Variants in SOX6 observed in about 807,000 individuals in gnomAD.
The protein encoded by SOX6 is SRY-box transcription factor 6.
SOX6 carries 11 observed loss-of-function variants against 97.8 expected under a neutral mutation model. That is an observed-to-expected ratio of 0.11 (90% CI 0.07 to 0.19). The LOEUF (loss-of-function observed/expected upper bound fraction) is 0.19. SOX6 is among the 10% of genes least tolerant of loss of function. The pLI is 1.00. For missense variants in SOX6, 810 were observed against 1,039.5 expected (o/e 0.78, Z 3.04); for synonymous variants, 360 against 371.4 (o/e 0.97, Z 0.35).
intron 6 of SOX6, among the ~76,000 whole-genome samples, chr11:16,136,588 C>T (rs1849971938): frequency 6.6e-6 from 1 of 151,946 alleles, no homozygotes; most frequent in South Asian, 2.1e-4. Context: ...GATATGGTCA[C>T]ACCCAACTAA....
At chr11:15,975,017 A>C (rs927007897) in intron 15 of SOX6, among the ~76,000 whole-genome samples, 1 of 152,172 alleles carries the variant, frequency 6.6e-6, no homozygotes, top group Non-Finnish European at 1.5e-5. Context: ...ATAGATATTC[A>C]ATCTACAGAT....
intron 1 of SOX6, among the ~76,000 whole-genome samples, chr11:16,379,729 TCCA>T (rs1324579523): frequency 4.9e-4 from 74 of 152,190 alleles, no homozygotes; most frequent in African/African-American, 1.7e-3. Context: ...TACCCAACAA[TCCA>T]TTTTTAAGAA....
intron 4 of SOX6, among the ~76,000 whole-genome samples, chr11:16,501,708 C>A (rs985806719): frequency 3.9e-4 from 59 of 152,104 alleles, no homozygotes; most frequent in African/African-American, 1.2e-3. Flanking sequence ...GACACATGAA[C>A]AAATGCTCAT....
chr11:16,666,220 A>G (rs1847806060), intron 3 of SOX6, among the ~76,000 whole-genome samples: 1 of 152,206 alleles, frequency 6.6e-6, no homozygotes, highest in South Asian at 2.1e-4. Context: ...CAAACAAACT[A>G]AATAAGGCAC....
At chr11:16,244,140 G>A (rs557175121) in intron 3 of SOX6, among the ~76,000 whole-genome samples, 4 of 151,882 alleles carry the variant, frequency 2.6e-5, no homozygotes, top group South Asian at 2.1e-4. Flanking sequence ...TACCAACAAC[G>A]TATGAGTGTT....
At chr11:16,381,784 C>T (rs1038020694) in intron 1 of SOX6, among the ~76,000 whole-genome samples, 2 of 151,796 alleles carry the variant, frequency 1.3e-5, no homozygotes, top group Non-Finnish European at 2.9e-5. Flanking sequence ...CCCCCACTCC[C>T]TCCCAAAACC....
At chr11:16,070,813 C>T (rs1848205838) in intron 9 of SOX6, among the ~76,000 whole-genome samples, 1 of 152,180 alleles carries the variant, frequency 6.6e-6, no homozygotes, top group African/African-American at 2.4e-5. Context: ...CTGTGCAAGA[C>T]TAGGAATGGG....
intron 3 of SOX6, chr11:16,283,907 A>T (rs2134246881): frequency 2.3e-6 from 1 of 432,970 alleles, no homozygotes; most frequent in Admixed American, 2.6e-5. Flanking sequence ...GAAATCTTGA[A>T]AGAAAGACTT....
At chr11:16,267,227 C>A (rs1216474621) in intron 3 of SOX6, among the ~76,000 whole-genome samples, 1 of 150,484 alleles carries the variant, frequency 6.6e-6, no homozygotes, top group African/African-American at 2.4e-5. Flanking sequence ...TTCTGCACAA[C>A]AAATGAAACA....
chr11:16,099,463 C>T (rs933322464), intron 7 of SOX6, among the ~76,000 whole-genome samples: 1 of 151,666 alleles, frequency 6.6e-6, no homozygotes, highest in African/African-American at 2.4e-5. Flanking sequence ...AAAAAAATCA[C>T]CATTCTAACC....
At chr11:16,698,035 A>C (rs972253691) in intron 3 of SOX6, among the ~76,000 whole-genome samples, 4 of 152,226 alleles carry the variant, frequency 2.6e-5, no homozygotes, top group Non-Finnish European at 4.4e-5. Context: ...ATTGGCTTCA[A>C]CTTAAAGACA....
At chr11:16,616,521 T>C (rs1386024927) in intron 3 of SOX6, among the ~76,000 whole-genome samples, 2 of 152,024 alleles carry the variant, frequency 1.3e-5, no homozygotes, top group Non-Finnish European at 2.9e-5. Context: ...TTGGAGACTT[T>C]GCTTGTTTTC....
intron 3 of SOX6, among the ~76,000 whole-genome samples, chr11:16,623,307 C>T (rs963438452): frequency 6.6e-5 from 10 of 152,214 alleles, no homozygotes; most frequent in African/African-American, 2.4e-4. Flanking sequence ...AGGCGTGAGC[C>T]ACTGTGTCCA....
rs528511197 is a variant in SOX6, at chr11:16,141,788, T to C, written c.778-29865A>G. Reference sequence around the variant, plus strand: ...AGCAGTCTGAGATCAAACTGCAAGATGGCAGTGAGGCTGGGGGAGGGGTGC... The same window carrying C: ...AGCAGTCTGAGATCAAACTGCAAGACGGCAGTGAGGCTGGGGGAGGGGTGC... On this transcript the variant is annotated intron_variant, in intron 6 of 15. Transcript: ENST00000683767. Among the ~76,000 whole-genome samples the C allele has an allele frequency of 2.1e-4, 32 of 152,234 alleles. No individual in the cohort carries two copies. The Middle Eastern group carries it at 0.014, about 65-fold the overall frequency.
intron 9 of SOX6, among the ~76,000 whole-genome samples, chr11:16,070,235 A>G (rs923206493): frequency 2.0e-5 from 3 of 152,296 alleles, no homozygotes; most frequent in South Asian, 2.1e-4. Context: ...TATTTTTCCA[A>G]GCACTGGGTA....
intron 4 of SOX6, among the ~76,000 whole-genome samples, chr11:16,204,389 C>T (rs1229352517): frequency 1.3e-5 from 2 of 152,112 alleles, no homozygotes; most frequent in East Asian, 3.9e-4. Flanking sequence ...AACTGAAGAA[C>T]TGGAGACCTG....
intron 1 of SOX6, among the ~76,000 whole-genome samples, chr11:16,405,191 A>G (rs1289234987): frequency 6.6e-6 from 1 of 152,020 alleles, no homozygotes; most frequent in Non-Finnish European, 1.5e-5. Flanking sequence ...GAACATGAGA[A>G]GTGCTTTTAC....
chr11:16,132,293 AG>A (rs1849768640), intron 6 of SOX6, among the ~76,000 whole-genome samples: 1 of 109,548 alleles, frequency 9.1e-6, no homozygotes, highest in East Asian at 4.4e-4. Flanking sequence ...GAAGGAAGGA[AG>A]GAAGGAAGGA....
chr11:16,519,302 A>G (rs1861019870), intron 4 of SOX6, among the ~76,000 whole-genome samples: 2 of 152,192 alleles, frequency 1.3e-5, no homozygotes, highest in African/African-American at 4.8e-5. Context: ...TCACTCAAAC[A>G]GTAAACATTG....
Sources: gnomAD v4.1 joint callset for allele counts (sites outside exome capture counted in the v4.1 genomes callset) on GRCh38, gnomAD v4.1.1 for gene constraint, MANE v1.5 for transcripts, NCBI Gene and HGNC (gene_info 2026-07-23, HGNC 2026-07-21) for gene names.